Variants in TPO observed in about 807,000 individuals in gnomAD.
The protein encoded by TPO is thyroid microsomal antigen.
Under a neutral mutation model 96.9 loss-of-function variants are expected in TPO, and 78 were observed. The observed-to-expected ratio is 0.81, with a 90% CI of 0.67 to 0.97. The LOEUF is 0.97. Among genes scored for constraint, TPO ranks in the 50% least tolerant of loss-of-function variants. The probability of loss-of-function intolerance (pLI) is 0.00; values close to 1 mark genes in which losing one functional copy is unlikely to be tolerated. For missense variants in TPO, 1,252 were observed against 1,274.8 expected (o/e 0.98, Z 0.27); for synonymous variants, 547 against 538.0 (o/e 1.02, Z -0.23).
intron 15 of TPO, among the ~76,000 whole-genome samples, chr2:1,520,939 G>T (rs1237651742): frequency 3.9e-5 from 6 of 152,194 alleles, no homozygotes; most frequent in Non-Finnish European, 8.8e-5. Context: ...GTCCAGGGAA[G>T]ATGCTAAATG....
intron 15 of TPO, among the ~76,000 whole-genome samples, chr2:1,531,199 A>C (rs1678120111): frequency 4.8e-5 from 3 of 62,734 alleles, no homozygotes; most frequent in Admixed American, 2.0e-4. Context: ...AAATCCCCAC[A>C]CTGTCTGCAA....
chr2:1,486,842 C>T (rs1044274132), intron 9 of TPO, among the ~76,000 whole-genome samples: 2 of 152,180 alleles, frequency 1.3e-5, no homozygotes, highest in Non-Finnish European at 2.9e-5. Context: ...TCCGGCGATA[C>T]CTGCTTAGAT....
intron 2 of TPO, among the ~76,000 whole-genome samples, chr2:1,422,302 C>G (rs1041128862): frequency 5.0e-5 from 3 of 60,016 alleles, no homozygotes; most frequent in African/African-American, 2.4e-4. Context: ...ACCCCGCAGG[C>G]GCCTCTCCTG....
chr2:1,487,606 G>C (rs940175477), intron 9 of TPO, among the ~76,000 whole-genome samples: 1 of 152,124 alleles, frequency 6.6e-6, no homozygotes, highest in Non-Finnish European at 1.5e-5. Context: ...GCATGGTAGC[G>C]GGCGCCTGTA....
At chr2:1,470,746 G>C (rs1669328604) in intron 7 of TPO, among the ~76,000 whole-genome samples, 1 of 152,060 alleles carries the variant, frequency 6.6e-6, no homozygotes, top group African/African-American at 2.4e-5. Flanking sequence ...GTGTCTACTA[G>C]GAATTTCTGC....
intron 13 of TPO, among the ~76,000 whole-genome samples, chr2:1,499,809 A>T (rs1409728453): frequency 1.3e-5 from 2 of 152,228 alleles, no homozygotes; most frequent in African/African-American, 4.8e-5. Context: ...CCTGCCACAG[A>T]CATTTCCGTA....
At chr2:1,496,515 C>T (rs980968100) in intron 12 of TPO, 80 bp from the exon 13 acceptor site, 95 of 1,592,674 alleles carry the variant, frequency 6.0e-5, no homozygotes, top group South Asian at 8.9e-5. Flanking sequence ...AGGGCACAAG[C>T]GCACCCGTGA....
chr2:1,480,510 C>G lies in TPO; in HGVS notation c.1338+2906C>G, dbSNP rs1233149372. Among the ~76,000 whole-genome samples the G allele has an allele frequency of 2.8e-5, 4 of 143,782 alleles. No homozygotes were observed. In the Admixed American group the frequency reaches 2.8e-4, roughly 10 times the overall value. 94.3% of individuals were successfully genotyped at this position (143,782 alleles called of 152,430 possible). ...TAATGAAAAGAGATGCCAGGGCAAC[C>G]TTATGAAAGAGAAATAGCATCCCCC... On this transcript the variant is annotated intron_variant, in intron 8 of 16. Transcript: ENST00000329066.
At chr2:1,422,942 G>T in intron 2 of TPO, 103 bp from the exon 3 acceptor site, 6 of 1,291,708 alleles carry the variant, frequency 4.6e-6, no homozygotes, top group Non-Finnish European at 6.6e-6. Context: ...CGGAAGCCAC[G>T]TGGGCATCAC....
chr2:1,419,371 G>A (rs188186984), intron 2 of TPO, among the ~76,000 whole-genome samples: 107 of 152,318 alleles, frequency 7.0e-4, no homozygotes, highest in East Asian at 1.2e-3. Context: ...CAGAGCTAAC[G>A]ATAGCAAGGG....
At chr2:1,433,708 A>C in intron 4 of TPO, 101 bp downstream of exon 4, 1 of 1,399,398 alleles carries the variant, frequency 7.1e-7, no homozygotes, top group Admixed American at 2.0e-5. Flanking sequence ...TTTTTACTTG[A>C]GACCAAGCAG....
Position 1,540,585 on chromosome 2 carries a change from C to T in TPO, c.2619-9C>T, listed in dbSNP as rs1159803154. On this transcript the variant is annotated splice_polypyrimidine_tract_variant and intron_variant, in intron 15 of 16. Transcript: ENST00000329066. Reference sequence around the variant, plus strand: ...CCTCTCCCGATAACTGGACACGTGTCTCCCACAGGACACGCACTGGCACTA... The same window carrying T: ...CCTCTCCCGATAACTGGACACGTGTTTCCCACAGGACACGCACTGGCACTA... 6 of 1,613,066 alleles carry T rather than the reference C, an allele frequency of 3.7e-6. No homozygotes were observed. The highest frequency in any genetic ancestry group is 5.1e-6 in the Non-Finnish European group (6 of 1,180,026).
chr2:1,468,268 G>T (rs1352709349), intron 7 of TPO, among the ~76,000 whole-genome samples: 3 of 151,916 alleles, frequency 2.0e-5, no homozygotes, highest in Non-Finnish European at 4.4e-5. Context: ...GATTTTGCTG[G>T]TTTTTTTAAT....
At chr2:1,534,870 G>T (rs1234489598) in intron 15 of TPO, among the ~76,000 whole-genome samples, 2 of 115,310 alleles carry the variant, frequency 1.7e-5, no homozygotes, top group Non-Finnish European at 3.3e-5. Flanking sequence ...TCCCACCACT[G>T]TGCACAACCT....
intron 7 of TPO, among the ~76,000 whole-genome samples, chr2:1,458,506 T>C (rs1237091115): frequency 6.6e-6 from 1 of 151,926 alleles, no homozygotes; most frequent in Non-Finnish European, 1.5e-5. Context: ...AGACAGTTTG[T>C]GGGCACATGT....
chr2:1,396,613 G>T (rs1351510322), intron 1 of TPO, among the ~76,000 whole-genome samples: 1 of 152,186 alleles, frequency 6.6e-6, no homozygotes, highest in South Asian at 2.1e-4. Context: ...AGAATGAGCC[G>T]CTGTTCTTTC....
chr2:1,480,559 T>TACACACACACACACACACACACACAC (rs3036105), intron 8 of TPO, among the ~76,000 whole-genome samples: 8 of 44,360 alleles, frequency 1.8e-4, no homozygotes, highest in East Asian at 6.8e-4. Flanking sequence ...TCAAACCCCC[T>TACACACACACACACACACACACACAC]ACACACACAC....
At chr2:1,394,557 T>A (rs1449728029) in intron 1 of TPO, among the ~76,000 whole-genome samples, 1 of 152,180 alleles carries the variant, frequency 6.6e-6, no homozygotes, top group Non-Finnish European at 1.5e-5. Flanking sequence ...GAAGCATGCA[T>A]GTCTCACCTG....
intron 5 of TPO, among the ~76,000 whole-genome samples, chr2:1,452,594 T>C (rs1397711050): frequency 2.0e-5 from 3 of 152,224 alleles, no homozygotes; most frequent in African/African-American, 7.2e-5. Flanking sequence ...GGAACAGTTT[T>C]GCCATAGGAA....
Sources: allele counts gnomAD v4.1 joint callset (sites outside exome capture counted in the v4.1 genomes callset), GRCh38; gene constraint gnomAD v4.1.1; transcripts MANE v1.5; gene names NCBI Gene and HGNC (gene_info 2026-07-23, HGNC 2026-07-21).